GRK1: variants seen among roughly 807,000 people sequenced by gnomAD.
The protein encoded by GRK1 is G protein-coupled receptor kinase 1.
Under a neutral mutation model 41.7 loss-of-function variants are expected in GRK1, and 28 were observed. The observed-to-expected ratio is 0.67, with a 90% CI of 0.50 to 0.92. The LOEUF (loss-of-function observed/expected upper bound fraction) is 0.92, where lower values mean the gene tolerates loss of function less well. Among genes scored for constraint, GRK1 ranks in the 40% least tolerant of loss-of-function variants. The probability of loss-of-function intolerance (pLI) is 0.00; values close to 1 mark genes in which losing one functional copy is unlikely to be tolerated. For synonymous variants in GRK1, 327 were observed against 286.7 expected (o/e 1.14, Z -1.42); for missense variants, 703 against 671.2 (o/e 1.05, Z -0.52).
At chr13:113,663,657 G>C (rs2049801735), upstream of GRK1, among the ~76,000 whole-genome samples, 2 of 152,186 alleles carry the variant, frequency 1.3e-5, no homozygotes, top group African/African-American at 4.8e-5. Context: ...GATGTGAAGA[G>C]ACATTTCACC....
intron 4 of GRK1, among the ~76,000 whole-genome samples, chr13:113,730,643 C>T (rs1197729016): frequency 6.6e-6 from 1 of 152,244 alleles, no homozygotes; most frequent in African/African-American, 2.4e-5. Flanking sequence ...GGTTAAGGGC[C>T]TTCTTGGCAG....
chr13:113,733,542 C>T (rs537702479), intron 6 of GRK1, among the ~76,000 whole-genome samples: 60 of 138,992 alleles, frequency 4.3e-4, no homozygotes, highest in East Asian at 7.0e-4. Context: ...TGTGTGCATG[C>T]GTGTGCGCGC....
upstream of GRK1, among the ~76,000 whole-genome samples, chr13:113,665,048 G>A (rs570133833): frequency 2.2e-4 from 33 of 152,278 alleles, no homozygotes; most frequent in East Asian, 5.6e-3. Flanking sequence ...CCCTCGCTTC[G>A]GCCTCTGTAG....
At chr13:113,733,879 A>ATGCCTGTG (rs1221208942) in intron 6 of GRK1, among the ~76,000 whole-genome samples, 1 of 78,278 alleles carries the variant, frequency 1.3e-5, no homozygotes, top group Admixed American at 1.4e-4. Context: ...GCGTGTGTGC[A>ATGCCTGTG]TACGTGTGTG....
intron 1 of GRK1, among the ~76,000 whole-genome samples, chr13:113,669,438 C>T (rs1328286259): frequency 6.6e-6 from 1 of 152,222 alleles, no homozygotes; most frequent in Non-Finnish European, 1.5e-5. Flanking sequence ...CTCCCCTTGC[C>T]AGAGGCTGGC....
chr13:113,724,272 C>T (rs1371585466), intron 4 of GRK1, among the ~76,000 whole-genome samples: 1 of 152,192 alleles, frequency 6.6e-6, no homozygotes, highest in Non-Finnish European at 1.5e-5. Flanking sequence ...GCCACGTGCC[C>T]GGCGCCTGTG....
chr13:113,666,871 T>G (rs1316610989), upstream of GRK1, among the ~76,000 whole-genome samples: 1 of 152,210 alleles, frequency 6.6e-6, no homozygotes, highest in African/African-American at 2.4e-5. Flanking sequence ...CCTTTGTAAA[T>G]TACGGTTTCT....
At chr13:113,664,840 G>A (rs75922846), upstream of GRK1, among the ~76,000 whole-genome samples, 1,066 of 152,330 alleles carry the variant, frequency 7.0e-3, 13 homozygotes, top group African/African-American at 0.024. The surrounding 1 kb of genome is among the most constrained non-coding windows in gnomAD (Gnocchi z 5.4). Context: ...ACTTCACAAA[G>A]CACCACAGTT....
At chr13:113,727,259 G>C (rs892143241) in intron 4 of GRK1, among the ~76,000 whole-genome samples, 4 of 152,256 alleles carry the variant, frequency 2.6e-5, no homozygotes, top group Non-Finnish European at 4.4e-5. Flanking sequence ...TCTGGAGGGA[G>C]GGCCCAGAGC....
chr13:113,671,862 A>T lies in GRK1; in HGVS notation c.985+206A>T, dbSNP rs1339642173. 6.6e-6 allele frequency among the ~76,000 whole-genome samples: 1 copy of T among 152,124 alleles called. No individual in the cohort carries two copies. Among genetic ancestry groups the T allele is most frequent in the Non-Finnish European group, 1.5e-5 (1 of 68,008 alleles). On this transcript the variant is annotated intron_variant, in intron 3 of 6. Coordinates refer to ENST00000335678, the MANE Select transcript of GRK1 (RefSeq NM_002929.3). The surrounding 1 kb of genome is among the most constrained non-coding windows in gnomAD (Gnocchi z 4.1). ...GTGCAGGGGTCTGTGGTGCAGAACC[A>T]GCTGGGAACGGCGAGTCTGTTACGC...
chr13:113,730,613 C>G (rs549999895), intron 4 of GRK1, among the ~76,000 whole-genome samples: 30 of 152,368 alleles, frequency 2.0e-4, no homozygotes, highest in Middle Eastern at 3.4e-3. Context: ...AGCCGTCCCT[C>G]CATCCTGCCA....
intron 4 of GRK1, among the ~76,000 whole-genome samples, chr13:113,723,969 T>C (rs1024564848): frequency 6.6e-6 from 1 of 151,846 alleles, no homozygotes; most frequent in Admixed American, 6.5e-5. Flanking sequence ...CATGTGTTCC[T>C]GTGTATGCAT....
chr13:113,730,551 C>T (rs1420708774), intron 4 of GRK1, among the ~76,000 whole-genome samples: 4 of 149,942 alleles, frequency 2.7e-5, no homozygotes, highest in Non-Finnish European at 4.4e-5. Context: ...ACAGCCTCTG[C>T]GGCTGCGCCC....
In GRK1 at chr13:113,672,254, G is replaced by A. The variant is rs941773946; in HGVS notation, c.985+598G>A. ...TGGTGTGTATGTGTGTGCAGTGTGT[G>A]GTGTGTGATTGTGTGGTGTGTGCGG... is the stretch of plus-strand genomic sequence containing the variant. On this transcript the variant is annotated intron_variant, in intron 3 of 6. Coordinates refer to ENST00000335678, the MANE Select transcript of GRK1 (RefSeq NM_002929.3). Among the ~76,000 whole-genome samples the A allele has an allele frequency of 3.9e-4, 59 of 150,120 alleles. No individual in the cohort carries two copies. In the East Asian group the frequency reaches 0.011, roughly 27 times the overall value.
the GRK1 span, chr13:113,653,160 G>A: frequency 1.6e-5 from 24 of 1,483,988 alleles, no homozygotes; most frequent in African/African-American, 7.0e-5. Context: ...CCCTGAGTGC[G>A]AGTTTCTCAT....
intron 6 of GRK1, among the ~76,000 whole-genome samples, chr13:113,733,709 G>A (rs1483370089): frequency 6.8e-6 from 1 of 146,158 alleles, no homozygotes; most frequent in Non-Finnish European, 1.5e-5. Context: ...GTGTGCGTGT[G>A]TGCGCACGTG....
chr13:113,732,741 G>T (rs1439587080), intron 5 of GRK1, 143 bp from the exon 6 acceptor site: 12 of 772,062 alleles, frequency 1.6e-5, no homozygotes, highest in Admixed American at 2.7e-5. Flanking sequence ...CTCAAACGCT[G>T]CTGTGCTGGG....
At chr13:113,652,676 G>A in the GRK1 span, 26 of 694,550 alleles carry the variant, frequency 3.7e-5, no homozygotes, top group Middle Eastern at 4.9e-4. Context: ...GGTGTCTGAC[G>A]AGTGGTTTCA....
chr13:113,650,029 G>A, the GRK1 span, among the ~76,000 whole-genome samples: 24 of 152,092 alleles, frequency 1.6e-4, no homozygotes, highest in Non-Finnish European at 2.9e-4. This position sits in a 1 kb window ranked among gnomAD's most constrained non-coding sequence, Gnocchi z 5.0. Context: ...TGGGCATGTT[G>A]GTGTGTGCCT....
Sources: allele counts gnomAD v4.1 joint callset (sites outside exome capture counted in the v4.1 genomes callset), GRCh38; gene constraint gnomAD v4.1.1; non-coding constraint Gnocchi (gnomAD v3.1); transcripts MANE v1.5; gene names NCBI Gene and HGNC (gene_info 2026-07-23, HGNC 2026-07-21).